MKLN1: variants seen among roughly 807,000 people sequenced by gnomAD.
MKLN1 encodes the protein muskelin 1.
In MKLN1, 18 loss-of-function variants were observed where a neutral mutation model predicts 99.0. That is an observed-to-expected ratio of 0.18 (90% CI 0.13 to 0.27). MKLN1 has a LOEUF of 0.27. MKLN1 is among the 10% of genes least tolerant of loss of function. The pLI is 1.00. For synonymous variants in MKLN1, 288 were observed against 293.2 expected, an observed-to-expected ratio of 0.98 and a Z score of 0.18; for missense variants, 621 against 875.9, an observed-to-expected ratio of 0.71 and a Z score of 3.67.
chr7:131,334,501 T>G (rs1468430933), intron 1 of MKLN1, among the ~76,000 whole-genome samples: 2 of 152,250 alleles, frequency 1.3e-5, no homozygotes, highest in Non-Finnish European at 1.5e-5. Context: ...TTTGTGACTT[T>G]TGGCAAGTTA....
At chr7:131,402,672 A>G (rs1264019840) in intron 6 of MKLN1, among the ~76,000 whole-genome samples, 2 of 152,192 alleles carry the variant, frequency 1.3e-5, no homozygotes, top group East Asian at 1.9e-4. Flanking sequence ...TACAAAATGG[A>G]TATGTGTTAG....
chr7:131,365,399 CTGTTTACTCTGT>C (rs1470319183), intron 1 of MKLN1, among the ~76,000 whole-genome samples: 2 of 152,152 alleles, frequency 1.3e-5, no homozygotes, highest in Non-Finnish European at 2.9e-5. Context: ...TGTAGGTTGT[CTGTTTACTCTGT>C]TGATAGTTTC....
chr7:131,335,695 GTT>G (rs11291759), intron 1 of MKLN1, among the ~76,000 whole-genome samples: 86 of 144,178 alleles, frequency 6.0e-4, no homozygotes, highest in South Asian at 2.2e-3. Context: ...TGACCTGTAG[GTT>G]TTTTTTTTTT....
intron 6 of MKLN1, among the ~76,000 whole-genome samples, chr7:131,403,881 C>G (rs887143949): frequency 6.6e-6 from 1 of 152,080 alleles, no homozygotes; most frequent in Non-Finnish European, 1.5e-5. Context: ...GAGAGAGAGA[C>G]ACAAGTGAAG....
At chr7:131,329,041 G>T (rs572533125) in intron 1 of MKLN1, among the ~76,000 whole-genome samples, 12 of 152,122 alleles carry the variant, frequency 7.9e-5, no homozygotes, top group Admixed American at 2.6e-4. Context: ...GGACCGAAAC[G>T]ATTTTATGAA....
intron 1 of MKLN1, among the ~76,000 whole-genome samples, chr7:131,360,494 A>G (rs7776562): frequency 0.017 from 2,515 of 152,216 alleles, 70 homozygotes; most frequent in African/African-American, 0.056. Context: ...AGAATTTGTA[A>G]TATTTATGTG....
intron 2 of MKLN1, among the ~76,000 whole-genome samples, chr7:131,186,067 C>T (rs1796446258): frequency 6.6e-6 from 1 of 152,128 alleles, no homozygotes. Context: ...TGGCACGCGC[C>T]TGTAATCCCA....
At position 131,492,222 on chromosome 7, in the gene MKLN1, A is replaced by G. The variant is rs1428887126; in HGVS notation, c.*4494A>G. ...CATTTACCTTTTGTCTTTTCTTTTT[A>G]TTGTATTTTTTAACCTTTTTGTTTC... On this transcript the variant is annotated 3_prime_UTR_variant, in exon 18 of 18. Coordinates refer to ENST00000352689, the MANE Select transcript of MKLN1 (RefSeq NM_013255.5). 3 of 151,976 alleles carry G rather than the reference A, an allele frequency of 2.0e-5. No homozygotes were observed. Among genetic ancestry groups the G allele is most frequent in the Admixed American group, 1.3e-4 (2 of 15,252 alleles). 9.4% of individuals were successfully genotyped at this position (151,976 alleles called of 1,614,324 possible). A position where few individuals can be genotyped will look rare whatever the true frequency, so the allele number is the denominator to read the frequency against.
chr7:131,428,255 A>G (rs1333707647), intron 8 of MKLN1, among the ~76,000 whole-genome samples: 2 of 152,204 alleles, frequency 1.3e-5, no homozygotes, highest in East Asian at 3.8e-4. Flanking sequence ...TGAAGAAGAA[A>G]ATCAGTTTTG....
At chr7:131,373,550 CTTTA>C (rs1386666325) in intron 1 of MKLN1, among the ~76,000 whole-genome samples, 3 of 152,000 alleles carry the variant, frequency 2.0e-5, no homozygotes, top group African/African-American at 7.2e-5. Context: ...TAATAAGTCT[CTTTA>C]TTTGTGTTGG....
intron 3 of MKLN1, among the ~76,000 whole-genome samples, chr7:131,231,810 C>T (rs1239395060): frequency 2.6e-5 from 4 of 151,966 alleles, no homozygotes; most frequent in African/African-American, 4.8e-5. Context: ...CAACTTCAAC[C>T]AAAACAAAAT....
chr7:131,177,384 C>T (rs1317191292), intron 2 of MKLN1, among the ~76,000 whole-genome samples: 1 of 8,724 alleles, frequency 1.1e-4, no homozygotes, highest in Admixed American at 1.2e-3. Flanking sequence ...AGAAGAATCG[C>T]TTGAACCTGG....
chr7:131,374,856 G>A (rs1793590999), intron 1 of MKLN1, among the ~76,000 whole-genome samples: 1 of 151,424 alleles, frequency 6.6e-6, no homozygotes, highest in Admixed American at 6.6e-5. Context: ...ATGATTGCAT[G>A]CAATATAATG....
chr7:131,126,587 CTT>C (rs1341732668), intron 1 of MKLN1, among the ~76,000 whole-genome samples: 1 of 152,088 alleles, frequency 6.6e-6, no homozygotes, highest in East Asian at 1.9e-4. Flanking sequence ...GAGTTTCACT[CTT>C]GTCACCCAGG....
At chr7:131,209,514 T>C (rs1181432920) in intron 3 of MKLN1, among the ~76,000 whole-genome samples, 1 of 152,168 alleles carries the variant, frequency 6.6e-6, no homozygotes, top group Non-Finnish European at 1.5e-5. Context: ...GAACCAAAGA[T>C]ATGTCCTCTG....
rs1357354551 is a variant in MKLN1, at chr7:131,487,155, T to A, written c.2087-452T>A. 1.3e-5 allele frequency among the ~76,000 whole-genome samples: 2 copies of A among 152,124 alleles called. No homozygotes were observed. The highest frequency in any genetic ancestry group is 6.5e-5 in the Admixed American group (1 of 15,268). ...AAAGACCTCTTTCATTTTGATTTTA[T>A]TATATTTTTGTTACTAAAAAACTTT... On this transcript the variant is annotated intron_variant, in intron 17 of 17. Transcript: ENST00000352689. This position sits in a 1 kb window ranked among gnomAD's most constrained non-coding sequence, Gnocchi z 4.7.
chr7:131,195,670 C>T lies in MKLN1; in HGVS notation c.-296-7187C>T, dbSNP rs190983655. Among the ~76,000 whole-genome samples the T allele has an allele frequency of 7.9e-5, 12 of 151,726 alleles. No individual in the cohort carries two copies. The East Asian group carries it at 1.2e-3, about 15-fold the overall frequency. The stretch of plus-strand genomic sequence containing the variant: ...TTTGGGAGACTGTTAATAGTAGTTT[C>T]GGCTGGGCCCGGTGGCTCACGCCTG... On this transcript the variant is annotated intron_variant, in intron 2 of 7. Coordinates refer to the MKLN1 transcript ENST00000416992.
At chr7:131,470,755 A>G (rs1796796790) in intron 15 of MKLN1, 87 bp from the exon 16 acceptor site, 4 of 855,184 alleles carry the variant, frequency 4.7e-6, no homozygotes, top group African/African-American at 1.7e-5. Flanking sequence ...CATACTCAGT[A>G]TAACAGTGTA....
intron 3 of MKLN1, among the ~76,000 whole-genome samples, chr7:131,204,751 G>A (rs1465897579): frequency 1.3e-5 from 2 of 152,130 alleles, no homozygotes; most frequent in African/African-American, 4.8e-5. Context: ...CGATCACAAG[G>A]TCAGGAGATC....
Sources: allele counts gnomAD v4.1 joint callset (sites outside exome capture counted in the v4.1 genomes callset), GRCh38; gene constraint gnomAD v4.1.1; non-coding constraint Gnocchi (gnomAD v3.1); transcripts MANE v1.5; gene names NCBI Gene and HGNC (gene_info 2026-07-23, HGNC 2026-07-21).